TGFB3: variants seen among roughly 807,000 people sequenced by gnomAD.
TGFB3 encodes the protein transforming growth factor beta 3.
TGFB3 carries 5 observed loss-of-function variants against 40.1 expected under a neutral mutation model. That is an observed-to-expected ratio of 0.12 (90% CI 0.07 to 0.26). The LOEUF (loss-of-function observed/expected upper bound fraction) is 0.26. Among genes scored for constraint, TGFB3 ranks in the 10% least tolerant of loss-of-function variants. The pLI, the probability that TGFB3 is intolerant of heterozygous loss-of-function variation, is 1.00. For missense variants in TGFB3, 373 were observed against 530.1 expected, an observed-to-expected ratio of 0.70 and a Z score of 2.91; for synonymous variants, 184 against 205.6, an observed-to-expected ratio of 0.89 and a Z score of 0.90.
At chr14:75,967,541 T>C (rs1034218228) in intron 3 of TGFB3, among the ~76,000 whole-genome samples, 3 of 152,224 alleles carry the variant, frequency 2.0e-5, no homozygotes, top group East Asian at 1.9e-4. Context: ...AGTGAGTGAG[T>C]TCCATGATTC....
In TGFB3 at chr14:75,980,915, CA is replaced by C. The variant is rs1418928503; in HGVS notation, c.-23del. On this transcript the variant is annotated 5_prime_UTR_variant, in exon 1 of 7. Transcript: ENST00000238682. The surrounding 1 kb of genome is among the most constrained non-coding windows in gnomAD (Gnocchi z 4.3). Reference sequence around the variant, plus strand: ...TCATGTGTGAGCTGGGAAGAGAGGCCAGGGGGACGGCAAGGCCTGGAGAGGA... The same window carrying C: ...TCATGTGTGAGCTGGGAAGAGAGGCCGGGGGACGGCAAGGCCTGGAGAGGA... 2 of 1,610,420 alleles carry C rather than the reference CA, an allele frequency of 1.2e-6. No homozygotes were observed. Among genetic ancestry groups the C allele is most frequent in the Admixed American group, 1.7e-5 (1 of 60,014 alleles).
intron 3 of TGFB3, among the ~76,000 whole-genome samples, chr14:75,968,441 T>G (rs1231472356): frequency 6.6e-6 from 1 of 152,154 alleles, no homozygotes; most frequent in African/African-American, 2.4e-5. Context: ...TATTACGAAA[T>G]TATCTTTTTG....
Position 75,959,491 on chromosome 14 carries a change from C to T in TGFB3, c.1081-146G>A, listed in dbSNP as rs4252344. The T allele has an allele frequency of 8.8e-4, 814 of 921,740 alleles. 6 individuals are homozygous for T. The African/African-American group carries it at 0.012, about 13-fold the overall frequency. The allele number at this position is 921,740 out of a possible 1,614,324, so 57.1% of individuals were successfully genotyped here. On this transcript the variant is annotated intron_variant, in intron 6 of 6. Coordinates refer to ENST00000238682, the MANE Select transcript of TGFB3 (RefSeq NM_003239.5). ...CTCTTTAAGAGGAACTGTTGGGGGC[C>T]GGGTGCAGTGGCTCACAGCTGTAGT... is the stretch of plus-strand genomic sequence containing the variant.
At position 75,965,441 on chromosome 14, in the gene TGFB3, A is replaced by G; in HGVS notation, c.754+147T>C. The G allele has an allele frequency of 7.0e-6, 5 of 711,294 alleles. No individual in the cohort carries two copies. The Admixed American group carries it at 8.2e-5, about 12-fold the overall frequency. The allele number at this position is 711,294 out of a possible 1,614,324, so 44.1% of individuals were successfully genotyped here. On this transcript the variant is annotated intron_variant, in intron 4 of 6. Coordinates refer to ENST00000238682, the MANE Select transcript of TGFB3 (RefSeq NM_003239.5). ...ACACTCATTGCTTTTGGGGCAAAGC[A>G]GAATTACTCAAGTACAAAATAGTCG...
At chr14:75,969,322 G>C (rs2035258888) in intron 3 of TGFB3, among the ~76,000 whole-genome samples, 1 of 152,154 alleles carries the variant, frequency 6.6e-6, no homozygotes, top group African/African-American at 2.4e-5. Context: ...AAGAGGAAGA[G>C]AAGGAACAGA....
At chr14:75,959,909 C>CA (rs2035132694) in intron 6 of TGFB3, among the ~76,000 whole-genome samples, 1 of 138,968 alleles carries the variant, frequency 7.2e-6, no homozygotes, top group Non-Finnish European at 1.5e-5. Context: ...ACAGTTACTA[C>CA]ACTGATAACG....
rs371772819 is a variant in TGFB3, at chr14:75,980,883, T to C, written c.11A>G (p.His4Arg). MKM[H>R]LQRALVVLAL... is the part of the protein sequence containing the mutation. ...CAGGACCACCAGAGCCCTTTGCAAG[T>C]GCATCTTCATGTGTGAGCTGGGAAG... Residue 4 changes from histidine to arginine, a missense_variant, in exon 1 of 7, where the codon CAC (histidine) becomes CGC (arginine). His to Arg is a conservative substitution (Grantham distance 29). Transcript: ENST00000238682. This position sits in a 1 kb window ranked among gnomAD's most constrained non-coding sequence, Gnocchi z 4.3. 4 of 1,613,880 alleles carry C rather than the reference T, an allele frequency of 2.5e-6. No individual in the cohort carries two copies. The highest frequency in any genetic ancestry group is 3.4e-6 in the Non-Finnish European group (4 of 1,179,996).
intron 1 of TGFB3, among the ~76,000 whole-genome samples, chr14:75,977,711 G>A (rs2035371446): frequency 6.8e-6 from 1 of 148,132 alleles, no homozygotes; most frequent in Admixed American, 6.8e-5. Flanking sequence ...AGTTATCATT[G>A]TGCAATCTGC....
chr14:75,964,842 G>T (rs140432628), intron 4 of TGFB3, among the ~76,000 whole-genome samples: 1 of 152,172 alleles, frequency 6.6e-6, no homozygotes, highest in Non-Finnish European at 1.5e-5. Flanking sequence ...GAGCCCATGT[G>T]GGGTAAGATC....
chr14:75,975,223 C>T (rs2035339668), intron 1 of TGFB3, among the ~76,000 whole-genome samples: 1 of 152,008 alleles, frequency 6.6e-6, no homozygotes, highest in Non-Finnish European at 1.5e-5. Flanking sequence ...CAAAAATTAG[C>T]TGGGTGTGGT....
chr14:75,961,854 GCTC>G (rs1294190490), intron 5 of TGFB3, among the ~76,000 whole-genome samples: 1 of 152,176 alleles, frequency 6.6e-6, no homozygotes, highest in Non-Finnish European at 1.5e-5. Context: ...AACACCAGAT[GCTC>G]CTTTTCCTGT....
At position 75,963,212 on chromosome 14, in the gene TGFB3, C is replaced by T. The variant is rs3917201; in HGVS notation, c.926+104G>A. ...TCTTCCTGGAGATGTTTGTGAATAGCATCAGGGACCCTCTGTTGAGTGTGG... is the reference window on the plus strand; with the variant it reads ...TCTTCCTGGAGATGTTTGTGAATAGTATCAGGGACCCTCTGTTGAGTGTGG... On this transcript the variant is annotated intron_variant, in intron 5 of 6. Transcript: ENST00000238682. The T allele has an allele frequency of 0.74, 925,459 of 1,249,846 alleles. 346,008 individuals carry two copies. The highest frequency in any genetic ancestry group is 0.76 in the Non-Finnish European group (647,699 of 851,004). 77.4% of individuals were successfully genotyped at this position (1,249,846 alleles called of 1,614,324 possible).
In TGFB3 at chr14:75,971,455, C is replaced by A; in HGVS notation, c.516+100G>T. On this transcript the variant is annotated intron_variant, in intron 2 of 6. Coordinates refer to ENST00000238682, the MANE Select transcript of TGFB3 (RefSeq NM_003239.5). This position sits in a 1 kb window ranked among gnomAD's most constrained non-coding sequence, Gnocchi z 4.5. Reference sequence around the variant, plus strand: ...ACGAAGGCTCAGAGAAGCCAGGATTCAAACCCAGGTCTGCCAAACGCTGCA... The same window carrying A: ...ACGAAGGCTCAGAGAAGCCAGGATTAAAACCCAGGTCTGCCAAACGCTGCA... The A allele has an allele frequency of 6.4e-7, 1 of 1,568,104 alleles. No individual in the cohort carries two copies. The highest frequency in any genetic ancestry group is 1.2e-5 in the South Asian group (1 of 86,492).
chr14:75,965,032 C>T (rs538405881), intron 4 of TGFB3, among the ~76,000 whole-genome samples: 5 of 152,304 alleles, frequency 3.3e-5, no homozygotes, highest in South Asian at 2.1e-4. Flanking sequence ...TGACTCTCAA[C>T]GACTTCGCCA....
chr14:75,974,365 A>G (rs1359319388), intron 1 of TGFB3, among the ~76,000 whole-genome samples: 2 of 152,072 alleles, frequency 1.3e-5, no homozygotes, highest in African/African-American at 4.8e-5. Flanking sequence ...GAGGTGGGAA[A>G]GGTCATTTTT....
Position 75,979,112 on chromosome 14 carries a change from C to A in TGFB3, c.352+1430G>T, listed in dbSNP as rs901020636. ...TAGTAGCTCTGCATCGGCCTCCAGC[C>A]TCCGCCCCACATGGCAGCCACATCC... On this transcript the variant is annotated intron_variant, in intron 1 of 6. Transcript: ENST00000238682. The surrounding 1 kb of genome is among the most constrained non-coding windows in gnomAD (Gnocchi z 4.8). 6.6e-6 allele frequency among the ~76,000 whole-genome samples: 1 copy of A among 152,136 alleles called. No homozygotes were observed. Among genetic ancestry groups the A allele is most frequent in the African/African-American group, 2.4e-5 (1 of 41,432 alleles).
In TGFB3 at chr14:75,979,975, C is replaced by G. The variant is rs151108601; in HGVS notation, c.352+567G>C. ...TCGTGGGTCACGTGGGTGGGGTAGACCAAAGGGCCCAGGCAGCAAGAAGCT... is the reference window on the plus strand; with the variant it reads ...TCGTGGGTCACGTGGGTGGGGTAGAGCAAAGGGCCCAGGCAGCAAGAAGCT... On this transcript the variant is annotated intron_variant, in intron 1 of 6. Transcript: ENST00000238682. This position sits in a 1 kb window ranked among gnomAD's most constrained non-coding sequence, Gnocchi z 4.8. Among the ~76,000 whole-genome samples the G allele has an allele frequency of 3.0e-4, 45 of 152,314 alleles. No individual in the cohort carries two copies. The highest frequency in any genetic ancestry group is 6.2e-4 in the South Asian group (3 of 4,820).
Position 75,965,635 on chromosome 14 carries a change from C to G in TGFB3, c.707G>C (p.Gly236Ala). 6.2e-7 allele frequency: 1 copy of G among 1,614,186 alleles called. No individual in the cohort carries two copies. The highest frequency in any genetic ancestry group is 8.5e-7 in the Non-Finnish European group (1 of 1,180,012). Reference sequence around the variant, plus strand: ...CTCGTGAATGTTTTCCAGGATATCTCCATTGGGCTGAAAGGTGTGACATGG... The same window carrying G: ...CTCGTGAATGTTTTCCAGGATATCTGCATTGGGCTGAAAGGTGTGACATGG... ...HCPCHTFQPN[G>A]DILENIHEVM... The change falls in exon 4 of 7, where the codon GGA (glycine) becomes GCA (alanine). Residue 236 changes from glycine (G) to alanine (A), a missense_variant. Transcript: ENST00000238682.
intron 5 of TGFB3, 142 bp from the exon 6 acceptor site, chr14:75,961,218 G>T: frequency 1.1e-6 from 1 of 928,378 alleles, no homozygotes; most frequent in East Asian, 2.6e-5. Context: ...TCAAGGGCAT[G>T]GGGCAGAAGA....
Sources: allele counts gnomAD v4.1 joint callset (sites outside exome capture counted in the v4.1 genomes callset), GRCh38; gene constraint gnomAD v4.1.1; non-coding constraint Gnocchi (gnomAD v3.1); transcripts MANE v1.5; gene names NCBI Gene and HGNC (gene_info 2026-07-23, HGNC 2026-07-21).